The following IL2RA variants were observed in gnomAD, a reference collection of about 807,000 sequenced individuals.
IL2RA encodes the protein interleukin-2 receptor subunit alpha.
A neutral mutation model predicts 37.8 loss-of-function variants in IL2RA; 24 were observed. The observed-to-expected ratio is 0.63, with a 90% confidence interval of 0.46 to 0.89. The LOEUF (loss-of-function observed/expected upper bound fraction) is 0.89, where lower values mean the gene tolerates loss of function less well. Ranked by LOEUF, IL2RA falls within the 40% of genes least tolerant of loss-of-function variation. IL2RA has a pLI of 0.00. For missense variants in IL2RA, 319 were observed against 348.6 expected, an observed-to-expected ratio of 0.92 and a Z score of 0.68; for synonymous variants, 125 against 114.6, an observed-to-expected ratio of 1.09 and a Z score of -0.58.
At position 6,060,507 on chromosome 10, in the gene IL2RA, A is replaced by C. The variant is rs562266216; in HGVS notation, c.64+1581T>G. ...CGCGATGGCTCACACCTGTAATCCC[A>C]GCACTTTGGGAGGCCATGGCTGGTG... On this transcript the variant is annotated intron_variant, in intron 1 of 7. Transcript: ENST00000379959. Among the ~76,000 whole-genome samples the C allele has an allele frequency of 8.5e-5, 13 of 152,332 alleles. No homozygotes were observed. In the South Asian group the frequency reaches 2.7e-3, roughly 32 times the overall value.
In IL2RA at chr10:6,025,517, A is replaced by G. The variant is rs1020469601; in HGVS notation, c.256+317T>C. ...CTAAAAATGCAAAAATTAGCCAGGC[A>G]TGGTGGAGGGTGCCTGTAATCCCAG... On this transcript the variant is annotated intron_variant, in intron 2 of 7. Coordinates refer to ENST00000379959, the MANE Select transcript of IL2RA (RefSeq NM_000417.3). This position sits in a 1 kb window ranked among gnomAD's most constrained non-coding sequence, Gnocchi z 4.4. Among the ~76,000 whole-genome samples, 8 of 152,116 alleles carry G rather than the reference A, an allele frequency of 5.3e-5. No individual in the cohort carries two copies. The highest frequency in any genetic ancestry group is 4.4e-5 in the Non-Finnish European group (3 of 68,014).
rs2132842669 is a variant in IL2RA at position 6,014,505 on chromosome 10, C to T, written c.795-1609G>A. ...ACAGTTATTTGTTTCACAACATAAA[C>T]ACTGAACCATTCCTACTTCCAAATA... On this transcript the variant is annotated intron_variant, in intron 7 of 7. Coordinates refer to ENST00000379959, the MANE Select transcript of IL2RA (RefSeq NM_000417.3). The surrounding 1 kb of genome is among the most constrained non-coding windows in gnomAD (Gnocchi z 4.4). 6.6e-6 allele frequency among the ~76,000 whole-genome samples: 1 copy of T among 152,304 alleles called. No homozygotes were observed. Among genetic ancestry groups the T allele is most frequent in the East Asian group, 1.9e-4 (1 of 5,178 alleles).
In IL2RA at chr10:6,021,598, C is replaced by A; in HGVS notation, c.463G>T (p.Gly155Ter). 1 of 1,614,050 alleles carries A rather than the reference C, an allele frequency of 6.2e-7. No individual in the cohort carries two copies. The highest frequency in any genetic ancestry group is 1.1e-5 in the South Asian group (1 of 91,072). The change falls in exon 4 of 8, where the codon GGA becomes TGA. Residue 155 changes from glycine (G) to a stop codon, truncating the protein, a stop_gained. Coordinates refer to ENST00000379959, the MANE Select transcript of IL2RA (RefSeq NM_000417.3). LOFTEE classifies it high-confidence loss of function. The surrounding 1 kb of genome is among the most constrained non-coding windows in gnomAD (Gnocchi z 4.9). ...GGACCTCTGTGTAGAGCCCTGTATC[C>A]CTGGACGCACTGATAATAAACCATC... Reference protein sequence around the residue: ...GQMVYYQCVQGYRALHRGPAE... With the variant: ...GQMVYYQCVQ
chr10:6,057,878 T>C lies in IL2RA; in HGVS notation c.64+4210A>G, dbSNP rs1432741464. On this transcript the variant is annotated intron_variant, in intron 1 of 7. Transcript: ENST00000379959. This position sits in a 1 kb window ranked among gnomAD's most constrained non-coding sequence, Gnocchi z 4.8. Reference sequence around the variant, plus strand: ...CGGTGGCTCATGCCTGTAATCCCAGTGCTTTGGGAGGCCAAGGTGGGCAGA... The same window carrying C: ...CGGTGGCTCATGCCTGTAATCCCAGCGCTTTGGGAGGCCAAGGTGGGCAGA... Among the ~76,000 whole-genome samples the C allele has an allele frequency of 3.3e-5, 5 of 152,164 alleles. No homozygotes were observed. In the East Asian group the frequency reaches 9.6e-4, roughly 29 times the overall value.
intron 1 of IL2RA, among the ~76,000 whole-genome samples, chr10:6,051,379 CT>C: frequency 6.6e-6 from 1 of 152,004 alleles, no homozygotes; most frequent in East Asian, 1.9e-4. Flanking sequence ...TCAAACGAAA[CT>C]TTTAGAAATG....
At chr10:6,031,466 A>ATG (rs1564545884) in intron 1 of IL2RA, among the ~76,000 whole-genome samples, 71 of 16,492 alleles carry the variant, frequency 4.3e-3, no homozygotes, top group Admixed American at 0.01. Context: ...ATATATATAT[A>ATG]TATATATATA....
rs190890332 is a variant in IL2RA at position 6,058,511 on chromosome 10, T to C, written c.64+3577A>G. 1.6e-4 allele frequency among the ~76,000 whole-genome samples: 24 copies of C among 152,312 alleles called. No homozygotes were observed. The East Asian group carries it at 4.2e-3, about 27-fold the overall frequency. On this transcript the variant is annotated intron_variant, in intron 1 of 7. Transcript: ENST00000379959. The surrounding 1 kb of genome is among the most constrained non-coding windows in gnomAD (Gnocchi z 4.2). Reference sequence around the variant, plus strand: ...AAGATGAATGAAGTAACAGTAGCAATAATACTTTGGGATCTCAAGAAGTTG... The same window carrying C: ...AAGATGAATGAAGTAACAGTAGCAACAATACTTTGGGATCTCAAGAAGTTG...
At chr10:6,040,165 G>A (rs770200704) in intron 1 of IL2RA, among the ~76,000 whole-genome samples, 2 of 152,228 alleles carry the variant, frequency 1.3e-5, no homozygotes, top group African/African-American at 2.4e-5. Context: ...TTTGATTGTT[G>A]CTACAATGAC....
chr10:6,020,144 C>T lies in IL2RA; in HGVS notation c.584-203G>A, dbSNP rs1177185051. Among the ~76,000 whole-genome samples the T allele has an allele frequency of 6.6e-6, 1 of 152,190 alleles. No individual in the cohort carries two copies. The highest frequency in any genetic ancestry group is 1.5e-5 in the Non-Finnish European group (1 of 68,028). On this transcript the variant is annotated intron_variant, in intron 4 of 7. Transcript: ENST00000379959. The surrounding 1 kb of genome is among the most constrained non-coding windows in gnomAD (Gnocchi z 5.6). ...GGTGAAGTGGTCTCAGCAGAGCAGA[C>T]GAGGCTGAATTCTAACTCTGACCCT...
At chr10:6,037,628 C>A (rs1482613011) in intron 1 of IL2RA, among the ~76,000 whole-genome samples, 1 of 152,204 alleles carries the variant, frequency 6.6e-6, no homozygotes, top group African/African-American at 2.4e-5. Flanking sequence ...CTGGTTCTTG[C>A]TCTAACGCGG....
chr10:6,025,682 G>C lies in IL2RA; in HGVS notation c.256+152C>G. 3 of 762,522 alleles carry C rather than the reference G, an allele frequency of 3.9e-6. No individual in the cohort carries two copies. Among genetic ancestry groups the C allele is most frequent in the Non-Finnish European group, 6.6e-6 (3 of 451,420 alleles). The allele number at this position is 762,522 out of a possible 1,614,324, so 47.2% of individuals were successfully genotyped here. ...CCAAAAAAAAAAAAAATTGTGTTTA[G>C]TGAATGACTTTTCAGGAACCACTAA... is the stretch of plus-strand genomic sequence containing the variant. On this transcript the variant is annotated intron_variant, in intron 2 of 7. Coordinates refer to ENST00000379959, the MANE Select transcript of IL2RA (RefSeq NM_000417.3). This position sits in a 1 kb window ranked among gnomAD's most constrained non-coding sequence, Gnocchi z 4.4.
chr10:6,051,840 T>TATATATATATATATATATATATAG (rs1554831689), intron 1 of IL2RA, among the ~76,000 whole-genome samples: 1 of 124,488 alleles, frequency 8.0e-6, no homozygotes, highest in African/African-American at 3.0e-5. Flanking sequence ...TATATATATA[T>TATATATATATATATATATATATAG]ATAGAATTTT....
rs1333694022 is a variant in IL2RA, at chr10:6,019,893, G to A, written c.632C>T (p.Thr211Ile). 1 of 1,614,068 alleles carries A rather than the reference G, an allele frequency of 6.2e-7. No individual in the cohort carries two copies. The highest frequency in any genetic ancestry group is 1.7e-5 in the Admixed American group (1 of 60,006). Reference sequence around the variant, plus strand: ...ACCTGTTGTTGTGACGAGGCAGGAAGTCTCACTCTCAGGACGGCCTTCGGG... The same window carrying A: ...ACCTGTTGTTGTGACGAGGCAGGAAATCTCACTCTCAGGACGGCCTTCGGG... ...ASPEGRPESE[T>I]SCLVTTTDFQ... is the part of the protein sequence containing the mutation. Residue 211 changes from threonine to isoleucine, a missense_variant, in exon 5 of 8, where the codon ACT (threonine) becomes ATT (isoleucine). Thr to Ile is a moderately conservative substitution (Grantham distance 89). Coordinates refer to ENST00000379959, the MANE Select transcript of IL2RA (RefSeq NM_000417.3).
At position 6,048,781 on chromosome 10, in the gene IL2RA, G is replaced by A. The variant is rs1306295391; in HGVS notation, c.64+13307C>T. Reference sequence around the variant, plus strand: ...GCTGTCTCTCCAAAGTACAAGCCATGCCCTGACTGAGACCCCTCTGGGATG... The same window carrying A: ...GCTGTCTCTCCAAAGTACAAGCCATACCCTGACTGAGACCCCTCTGGGATG... On this transcript the variant is annotated intron_variant, in intron 1 of 7. Coordinates refer to ENST00000379959, the MANE Select transcript of IL2RA (RefSeq NM_000417.3). The surrounding 1 kb of genome is among the most constrained non-coding windows in gnomAD (Gnocchi z 5.3). Among the ~76,000 whole-genome samples the A allele has an allele frequency of 6.6e-6, 1 of 152,168 alleles. No homozygotes were observed. Among genetic ancestry groups the A allele is most frequent in the Non-Finnish European group, 1.5e-5 (1 of 68,038 alleles).
rs751192304 is a variant in IL2RA at position 6,018,092 on chromosome 10, C to G, written c.755G>C (p.Ser252Thr). The stretch of plus-strand genomic sequence containing the variant: ...GGTGAGCCCACTCAGGAGGAGGACG[C>G]TGATCAGCAGGAAAACACAGCCGGC... ...AVAGCVFLLI[S>T]VLLLSGLTWQ... The change falls in exon 7 of 8, where the codon AGC becomes ACC. Residue 252 changes from serine to threonine, a missense_variant. Coordinates refer to ENST00000379959, the MANE Select transcript of IL2RA (RefSeq NM_000417.3). The surrounding 1 kb of genome is among the most constrained non-coding windows in gnomAD (Gnocchi z 5.1). 6.2e-7 allele frequency: 1 copy of G among 1,613,998 alleles called. No homozygotes were observed. The highest frequency in any genetic ancestry group is 1.7e-5 in the Admixed American group (1 of 60,016).
rs1783729210 is a variant in IL2RA at position 6,025,376 on chromosome 10, C to T, written c.256+458G>A. Among the ~76,000 whole-genome samples, 1 of 151,514 alleles carries T rather than the reference C, an allele frequency of 6.6e-6. No homozygotes were observed. Among genetic ancestry groups the T allele is most frequent in the African/African-American group, 2.4e-5 (1 of 41,180 alleles). On this transcript the variant is annotated intron_variant, in intron 2 of 7. Coordinates refer to ENST00000379959, the MANE Select transcript of IL2RA (RefSeq NM_000417.3). This position sits in a 1 kb window ranked among gnomAD's most constrained non-coding sequence, Gnocchi z 4.4. ...CAAAAATAAAAATAAAATTGTGTGG[C>T]CGGGCACTGTGACTCATGCCTGTAA...
At chr10:6,041,220 C>T (rs1249588785) in intron 1 of IL2RA, among the ~76,000 whole-genome samples, 1 of 149,840 alleles carries the variant, frequency 6.7e-6, no homozygotes, top group Non-Finnish European at 1.5e-5. Flanking sequence ...CGGGTTCAGG[C>T]CATTCTGCCT....
At chr10:6,031,442 G>GTATATATATA (rs1242025908) in intron 1 of IL2RA, among the ~76,000 whole-genome samples, 8 of 54,050 alleles carry the variant, frequency 1.5e-4, no homozygotes, top group African/African-American at 2.4e-4. Flanking sequence ...AGCAATTTCA[G>GTATATATATA]TATATATATA....
rs28360493 is a variant in IL2RA, at chr10:6,015,811, A to C, written c.794+2242T>G. Among the ~76,000 whole-genome samples, 15,831 of 152,240 alleles carry C rather than the reference A, an allele frequency of 0.1. 1,117 individuals are homozygous for C. Among genetic ancestry groups the C allele is most frequent in the Non-Finnish European group, 0.16 (10,983 of 68,000 alleles). On this transcript the variant is annotated intron_variant, in intron 7 of 7. Coordinates refer to ENST00000379959, the MANE Select transcript of IL2RA (RefSeq NM_000417.3). The surrounding 1 kb of genome is among the most constrained non-coding windows in gnomAD (Gnocchi z 4.9). ...ACCTGGATGCATATGTATTAGATAC[A>C]TCTGAGGGGCTTTAAAACGTACGAC...
Sources: gnomAD v4.1 joint callset for allele counts (sites outside exome capture counted in the v4.1 genomes callset) on GRCh38, gnomAD v4.1.1 for gene constraint, Gnocchi (gnomAD v3.1) non-coding constraint, MANE v1.5 for transcripts, NCBI Gene and HGNC (gene_info 2026-07-23, HGNC 2026-07-21) for gene names.